The following SYT12 variants were observed in gnomAD, a reference collection of about 807,000 sequenced individuals.
SYT12 encodes synaptotagmin-12.
SYT12 carries 27 observed loss-of-function variants against 39.5 expected under a neutral mutation model. The ratio of observed to expected loss-of-function variants is 0.68; its 90% CI spans 0.50 to 0.94. The LOEUF is 0.94. Among genes scored for constraint, SYT12 ranks in the 40% least tolerant of loss-of-function variants. SYT12 has a pLI of 0.00. For synonymous variants in SYT12, 233 were observed against 239.7 expected (o/e 0.97, Z 0.26); for missense variants, 536 against 572.6 (o/e 0.94, Z 0.65).
chr11:67,034,950 G>A (rs1950331003), intron 3 of SYT12, 112 bp downstream of exon 3: 1 of 735,154 alleles, frequency 1.4e-6, no homozygotes, highest in Non-Finnish European at 2.0e-6. Flanking sequence ...CCTGGTTAAT[G>A]TCCTCCTTTG....
At chr11:67,036,773 T>TAA (rs11440105) in intron 3 of SYT12, among the ~76,000 whole-genome samples, 5 of 151,420 alleles carry the variant, frequency 3.3e-5, no homozygotes, top group Non-Finnish European at 5.9e-5. Flanking sequence ...CTGTCTCTAC[T>TAA]AAAAAAAATA....
At chr11:67,046,235 T>C (rs568447485) in intron 7 of SYT12, among the ~76,000 whole-genome samples, 1 of 152,082 alleles carries the variant, frequency 6.6e-6, no homozygotes, top group African/African-American at 2.4e-5. Flanking sequence ...GCACCCAGAG[T>C]TCCTGCTCTG....
intron 3 of SYT12, among the ~76,000 whole-genome samples, chr11:67,037,871 G>C (rs1300643287): frequency 1.3e-5 from 2 of 149,310 alleles, no homozygotes; most frequent in African/African-American, 4.9e-5. Context: ...GACAGAGCGA[G>C]GCTCCCCCTC....
intron 1 of SYT12, among the ~76,000 whole-genome samples, chr11:67,024,685 G>A (rs1485456911): frequency 6.6e-6 from 1 of 152,166 alleles, no homozygotes; most frequent in Non-Finnish European, 1.5e-5. Context: ...TCTGTCCTGC[G>A]GTTTCTGTGG....
At chr11:67,008,004 A>G (rs1169504509) in intron 1 of SYT12, among the ~76,000 whole-genome samples, 3 of 146,654 alleles carry the variant, frequency 2.0e-5, no homozygotes, top group Admixed American at 6.9e-5. Flanking sequence ...CCCAGGCTGG[A>G]GTGCAATGGC....
intron 7 of SYT12, among the ~76,000 whole-genome samples, chr11:67,046,482 T>C (rs1854556126): frequency 6.6e-6 from 1 of 152,186 alleles, no homozygotes; most frequent in African/African-American, 2.4e-5. Context: ...CTTTGTGCCT[T>C]GAGCCAAAAC....
chr11:67,027,099 A>G (rs934535270), intron 1 of SYT12: 1 of 151,956 alleles, frequency 6.6e-6, no homozygotes, highest in African/African-American at 2.4e-5. Flanking sequence ...CTGACTACAA[A>G]CCCTGTGCTC....
chr11:67,039,512 G>A (rs1950456620), intron 3 of SYT12, among the ~76,000 whole-genome samples: 1 of 152,104 alleles, frequency 6.6e-6, no homozygotes, highest in Non-Finnish European at 1.5e-5. Flanking sequence ...TACTCAGGAG[G>A]CTGAGGCAGG....
intron 7 of SYT12, 133 bp from the exon 8 acceptor site, chr11:67,048,451 G>C: frequency 2.2e-6 from 2 of 925,298 alleles, no homozygotes; most frequent in Non-Finnish European, 3.2e-6. Flanking sequence ...TCACCTCTTA[G>C]ATCAGAGGTG....
chr11:67,020,755 C>T (rs552052105), upstream of SYT12, among the ~76,000 whole-genome samples: 54 of 152,116 alleles, frequency 3.5e-4, no homozygotes, highest in African/African-American at 1.2e-3. Context: ...TTTTTTTAGA[C>T]GGAGTCTCTG....
intron 1 of SYT12, among the ~76,000 whole-genome samples, chr11:67,025,905 A>G (rs901676965): frequency 2.0e-5 from 3 of 152,102 alleles, no homozygotes; most frequent in Non-Finnish European, 4.4e-5. Flanking sequence ...GGACTGGGCT[A>G]CAGGAATGAC....
chr11:67,009,325 T>C (rs1163856322), intron 1 of SYT12, among the ~76,000 whole-genome samples: 1 of 151,774 alleles, frequency 6.6e-6, no homozygotes, highest in Non-Finnish European at 1.5e-5. Context: ...TTTTTTTTCT[T>C]TTTTTTGAAA....
chr11:67,042,133 A>G (rs1490078228), intron 4 of SYT12, among the ~76,000 whole-genome samples: 2 of 152,046 alleles, frequency 1.3e-5, no homozygotes, highest in Admixed American at 6.6e-5. Context: ...TCCTTGTTCC[A>G]CCTCTTCCTA....
intron 4 of SYT12, 113 bp downstream of exon 4, chr11:67,040,316 A>G: frequency 7.3e-7 from 1 of 1,376,540 alleles, no homozygotes; most frequent in Non-Finnish European, 9.8e-7. Context: ...GAGTGCAAGT[A>G]TGGATGCTGA....
At chr11:67,029,242 G>A (rs972011091) in intron 1 of SYT12, 3 of 152,364 alleles carry the variant, frequency 2.0e-5, no homozygotes, top group African/African-American at 7.2e-5. Flanking sequence ...GGAGGATGGG[G>A]TGGGGAAGAA....
At chr11:67,033,091 T>C (rs2136214322) in intron 2 of SYT12, among the ~76,000 whole-genome samples, 1 of 152,174 alleles carries the variant, frequency 6.6e-6, no homozygotes, top group Admixed American at 6.5e-5. Context: ...CATTCCTGTG[T>C]GGCCGGGCTT....
At chr11:67,006,921 C>A (rs181033862) in exon 1 of SYT12, 5 of 152,350 alleles carry the variant, frequency 3.3e-5, no homozygotes, top group Admixed American at 3.3e-4. Context: ...CCTTGAGGTG[C>A]CTTGCAATGC....
At chr11:67,009,946 T>A (rs898781546) in exon 2 of SYT12, 3 of 152,264 alleles carry the variant, frequency 2.0e-5, no homozygotes, top group African/African-American at 7.2e-5. Flanking sequence ...GTTTACATCC[T>A]CTGGAAAGAA....
chr11:67,007,648 T>G (rs1460487390), intron 1 of SYT12, among the ~76,000 whole-genome samples: 1 of 152,212 alleles, frequency 6.6e-6, no homozygotes, highest in Non-Finnish European at 1.5e-5. Context: ...CACTGCAACC[T>G]CCGCCTCCCG....
Sources: gnomAD v4.1 joint callset for allele counts (sites outside exome capture counted in the v4.1 genomes callset) on GRCh38, gnomAD v4.1.1 for gene constraint, MANE v1.5 for transcripts, NCBI Gene and HGNC (gene_info 2026-07-23, HGNC 2026-07-21) for gene names.